Variants in GRM7 observed in about 807,000 individuals in gnomAD.
The protein encoded by GRM7 is metabotropic glutamate receptor 7.
GRM7 carries 35 observed loss-of-function variants against 84.5 expected under a neutral mutation model. The observed-to-expected ratio is 0.41, with a 90% confidence interval of 0.32 to 0.55. GRM7 has a LOEUF of 0.55. Among genes scored for constraint, GRM7 ranks in the 20% least tolerant of loss-of-function variants. The probability of loss-of-function intolerance (pLI) is 0.19; values close to 1 mark genes in which losing one functional copy is unlikely to be tolerated. For synonymous variants in GRM7, 487 were observed against 455.1 expected (o/e 1.07, Z -0.89); for missense variants, 1,003 against 1,194.6 (o/e 0.84, Z 2.36).
At position 7,332,032 on chromosome 3, in the gene GRM7, G is replaced by A. The variant is rs191120674; in HGVS notation, c.1033+25380G>A. ...ATGGTAGGAAACGGTCAAGTTATAG[G>A]TATATTTTATAGGTGTATACAAGAG... On this transcript the variant is annotated intron_variant, in intron 4 of 9. Coordinates refer to ENST00000357716, the MANE Select transcript of GRM7 (RefSeq NM_000844.4). Among the ~76,000 whole-genome samples, 159 of 152,230 alleles carry A rather than the reference G, an allele frequency of 1.0e-3. 2 individuals carry two copies. In the Middle Eastern group the frequency reaches 0.02, roughly 20 times the overall value.
At position 7,353,682 on chromosome 3, in the gene GRM7, G is replaced by A. The variant is rs561928107; in HGVS notation, c.1033+47030G>A. 3.9e-5 allele frequency among the ~76,000 whole-genome samples: 6 copies of A among 152,196 alleles called. No individual in the cohort carries two copies. In the South Asian group the frequency reaches 1.0e-3, roughly 26 times the overall value. On this transcript the variant is annotated intron_variant, in intron 4 of 9. Coordinates refer to ENST00000357716, the MANE Select transcript of GRM7 (RefSeq NM_000844.4). Reference sequence around the variant, plus strand: ...TTGAATAGAGAGCACAAACATTCTCGAAGAGCCCTGTGATTGCTCTTGTCT... The same window carrying A: ...TTGAATAGAGAGCACAAACATTCTCAAAGAGCCCTGTGATTGCTCTTGTCT...
intron 7 of GRM7, among the ~76,000 whole-genome samples, chr3:7,501,252 A>T (rs1351055648): frequency 2.0e-5 from 3 of 152,224 alleles, no homozygotes; most frequent in Admixed American, 2.0e-4. Context: ...GATGAAAATG[A>T]TTCAAATAAT....
At chr3:7,389,795 A>C (rs1316756878) in intron 4 of GRM7, among the ~76,000 whole-genome samples, 1 of 151,234 alleles carries the variant, frequency 6.6e-6, no homozygotes, top group Non-Finnish European at 1.5e-5. Context: ...TTTTTTTTTT[A>C]ATCCAATTTG....
At chr3:7,716,023 C>G (rs1201279981) in intron 9 of GRM7, among the ~76,000 whole-genome samples, 1 of 152,150 alleles carries the variant, frequency 6.6e-6, no homozygotes, top group East Asian at 1.9e-4. Flanking sequence ...TACCAGCCTC[C>G]TCTCCTGCAC....
chr3:7,251,002 T>G (rs1697963916), intron 2 of GRM7, among the ~76,000 whole-genome samples: 1 of 152,206 alleles, frequency 6.6e-6, no homozygotes, highest in South Asian at 2.1e-4. Context: ...GGAGAAAAGA[T>G]CAATGTGACT....
intron 1 of GRM7, among the ~76,000 whole-genome samples, chr3:6,984,517 A>G (rs919735919): frequency 6.6e-6 from 1 of 152,198 alleles, no homozygotes; most frequent in African/African-American, 2.4e-5. Context: ...TCTTAATAGT[A>G]ATCACAGCAA....
Position 7,062,411 on chromosome 3 carries a change from G to A in GRM7, c.520-84041G>A, listed in dbSNP as rs1034249441. On this transcript the variant is annotated intron_variant, in intron 1 of 9. Coordinates refer to ENST00000357716, the MANE Select transcript of GRM7 (RefSeq NM_000844.4). ...ACAAGGAGCCAAGACAAAAGGGGGA[G>A]TTTCATTCCAGGAATTAAGAATCAG... Among the ~76,000 whole-genome samples the A allele has an allele frequency of 3.3e-5, 5 of 151,604 alleles. No individual in the cohort carries two copies. The Admixed American group carries it at 3.3e-4, about 10-fold the overall frequency.
intron 9 of GRM7, among the ~76,000 whole-genome samples, chr3:7,737,192 T>C (rs1380619409): frequency 6.6e-6 from 1 of 152,156 alleles, no homozygotes; most frequent in Non-Finnish European, 1.5e-5. Flanking sequence ...TGACAAGACA[T>C]CAAGAATGAG....
intron 9 of GRM7, among the ~76,000 whole-genome samples, chr3:7,682,852 G>A (rs900287259): frequency 3.3e-5 from 5 of 152,128 alleles, no homozygotes; most frequent in African/African-American, 7.2e-5. Context: ...GGCATTATGC[G>A]GAATGCTTTG....
At chr3:6,926,080 G>T (rs1024495632) in intron 1 of GRM7, among the ~76,000 whole-genome samples, 11 of 152,002 alleles carry the variant, frequency 7.2e-5, no homozygotes, top group Non-Finnish European at 1.0e-4. Context: ...CCACACACAT[G>T]CACGTACACC....
At chr3:7,064,479 T>TATATATATATATAC in intron 1 of GRM7, among the ~76,000 whole-genome samples, 2 of 99,382 alleles carry the variant, frequency 2.0e-5, no homozygotes, top group African/African-American at 7.8e-5. Context: ...TATATATATA[T>TATATATATATATAC]ACACACATAT....
intron 5 of GRM7, among the ~76,000 whole-genome samples, chr3:7,416,123 A>T (rs2125182130): frequency 6.6e-6 from 1 of 152,224 alleles, no homozygotes; most frequent in Non-Finnish European, 1.5e-5. Flanking sequence ...AAAAACAGAA[A>T]AAACATGACT....
intron 8 of GRM7, among the ~76,000 whole-genome samples, chr3:7,630,627 A>G (rs17666966): frequency 0.14 from 21,846 of 152,210 alleles, 1,776 homozygotes; most frequent in Non-Finnish European, 0.18. Context: ...AGAAGGTGAC[A>G]TCATACTGCC....
intron 9 of GRM7, among the ~76,000 whole-genome samples, chr3:7,722,210 G>T (rs956357806): frequency 2.0e-5 from 3 of 152,182 alleles, no homozygotes; most frequent in Non-Finnish European, 2.9e-5. Context: ...TGTGTGCAGA[G>T]AAATTTTCCA....
At chr3:7,727,821 G>A (rs1460432336) in intron 9 of GRM7, among the ~76,000 whole-genome samples, 1 of 152,072 alleles carries the variant, frequency 6.6e-6, no homozygotes, top group East Asian at 1.9e-4. Flanking sequence ...ATCTATCCTA[G>A]GTCCCAACCT....
At chr3:7,681,305 A>C (rs1348192143) in intron 9 of GRM7, 2 of 152,206 alleles carry the variant, frequency 1.3e-5, no homozygotes, top group Admixed American at 6.5e-5. Context: ...CTTGGTGTCA[A>C]ATGCTTAATG....
intron 9 of GRM7, among the ~76,000 whole-genome samples, chr3:7,722,442 TTG>T (rs1701983436): frequency 1.8e-5 from 2 of 109,136 alleles, no homozygotes; most frequent in African/African-American, 8.1e-5. Context: ...GTGACAATCC[TTG>T]TGTCTTTTTT....
chr3:7,170,409 GCTGCAGTT>G (rs1481518184), intron 2 of GRM7, among the ~76,000 whole-genome samples: 1 of 152,156 alleles, frequency 6.6e-6, no homozygotes, highest in Non-Finnish European at 1.5e-5. Context: ...ACATAACTCT[GCTGCAGTT>G]CTGATTGTGC....
intron 2 of GRM7, among the ~76,000 whole-genome samples, chr3:7,276,205 A>ATGTG (rs1208743241): frequency 4.4e-5 from 4 of 89,966 alleles, no homozygotes; most frequent in African/African-American, 1.6e-4. Flanking sequence ...ATATATATAT[A>ATGTG]TATGTGTGTG....
Sources: gnomAD v4.1 joint callset for allele counts (sites outside exome capture counted in the v4.1 genomes callset) on GRCh38, gnomAD v4.1.1 for gene constraint, MANE v1.5 for transcripts, NCBI Gene and HGNC (gene_info 2026-07-23, HGNC 2026-07-21) for gene names.